Variants in DENND1A observed in about 807,000 individuals in gnomAD.
DENND1A encodes the protein DENN domain-containing protein 1A.
In DENND1A, 51 loss-of-function variants were observed where a neutral mutation model predicts 113.7. That is an observed-to-expected ratio of 0.45 (90% CI 0.36 to 0.57). The LOEUF (loss-of-function observed/expected upper bound fraction) is 0.57, where lower values mean the gene tolerates loss of function less well. Ranked by LOEUF, DENND1A falls within the 20% of genes least tolerant of loss-of-function variation. The pLI, the probability that DENND1A is intolerant of heterozygous loss-of-function variation, is 0.00. For missense variants in DENND1A, 1,258 were observed against 1,395.9 expected, an observed-to-expected ratio of 0.90 and a Z score of 1.57; for synonymous variants, 565 against 570.8, an observed-to-expected ratio of 0.99 and a Z score of 0.14.
intron 1 of DENND1A, among the ~76,000 whole-genome samples, chr9:123,916,993 G>A (rs1289283077): frequency 1.3e-5 from 2 of 151,886 alleles, no homozygotes; most frequent in African/African-American, 4.8e-5. Flanking sequence ...AGACCAGCCT[G>A]GCCAAAAAAG....
At chr9:123,738,004 C>T (rs1417787305) in intron 5 of DENND1A, among the ~76,000 whole-genome samples, 1 of 152,122 alleles carries the variant, frequency 6.6e-6, no homozygotes, top group Non-Finnish European at 1.5e-5. Flanking sequence ...ACAGTCTTAG[C>T]TGAGAAAACT....
At chr9:123,396,729 A>G (rs2043158354) in intron 21 of DENND1A, among the ~76,000 whole-genome samples, 1 of 152,214 alleles carries the variant, frequency 6.6e-6, no homozygotes. Context: ...CATTTGGGGT[A>G]GAGACTGTCT....
chr9:123,868,134 C>T (rs1356689104), intron 2 of DENND1A, among the ~76,000 whole-genome samples: 1 of 152,184 alleles, frequency 6.6e-6, no homozygotes, highest in Non-Finnish European at 1.5e-5. Flanking sequence ...TCTGTCACTT[C>T]CAGTGAAAAG....
intron 19 of DENND1A, among the ~76,000 whole-genome samples, chr9:123,418,597 C>T (rs557531747): frequency 1.3e-5 from 2 of 152,166 alleles, no homozygotes; most frequent in African/African-American, 4.8e-5. Context: ...GGGCAGAGAG[C>T]GCAGTGTGTA....
rs570796582 is a variant in DENND1A, at chr9:123,861,153, G to A, written c.88+17798C>T. Among the ~76,000 whole-genome samples, 28 of 152,240 alleles carry A rather than the reference G, an allele frequency of 1.8e-4. 1 individual carries two copies. The highest frequency in any genetic ancestry group is 1.7e-3 in the Admixed American group (26 of 15,288). The stretch of plus-strand genomic sequence containing the variant: ...CTATTCCTCCCCCAACCCCCTTCCA[G>A]GATAAAAATCCCATGTAAGACCCTG... On this transcript the variant is annotated intron_variant, in intron 2 of 23. Coordinates refer to ENST00000394215, the MANE Select transcript of DENND1A (RefSeq NM_001352964.2).
At chr9:123,742,672 A>G (rs930405065) in intron 5 of DENND1A, among the ~76,000 whole-genome samples, 2 of 152,174 alleles carry the variant, frequency 1.3e-5, no homozygotes, top group Non-Finnish European at 2.9e-5. Flanking sequence ...CCAGGGGCTC[A>G]GTTTGTGAAA....
chr9:123,400,997 T>C (rs977395289), intron 21 of DENND1A: 3 of 152,184 alleles, frequency 2.0e-5, no homozygotes, highest in Admixed American at 1.3e-4. Flanking sequence ...CCAGTGGAGA[T>C]GAAGATCTGT....
chr9:123,409,839 C>G (rs902561468), intron 20 of DENND1A, among the ~76,000 whole-genome samples: 4 of 152,140 alleles, frequency 2.6e-5, no homozygotes, highest in African/African-American at 9.7e-5. Context: ...CGTCTGTAAT[C>G]CCAGCACTTT....
intron 1 of DENND1A, among the ~76,000 whole-genome samples, chr9:123,899,945 T>C (rs1041299404): frequency 2.6e-5 from 4 of 152,202 alleles, no homozygotes; most frequent in Non-Finnish European, 4.4e-5. Flanking sequence ...CTTTCAATGA[T>C]CACTGTAAGA....
chr9:123,602,436 C>T (rs910257726), intron 11 of DENND1A, among the ~76,000 whole-genome samples: 8 of 152,050 alleles, frequency 5.3e-5, no homozygotes, highest in Non-Finnish European at 8.8e-5. Flanking sequence ...GGATGCAGAG[C>T]GCCAATTGTA....
chr9:123,711,513 G>GTATATATATATATATATATATATA (rs56814463), intron 5 of DENND1A, among the ~76,000 whole-genome samples: 14 of 120,980 alleles, frequency 1.2e-4, no homozygotes, highest in South Asian at 2.6e-4. Flanking sequence ...ATGTATATAT[G>GTATATATATATATATATATATATA]TATATATATA....
chr9:123,435,137 G>A (rs1318481704), intron 19 of DENND1A, among the ~76,000 whole-genome samples: 2 of 101,346 alleles, frequency 2.0e-5, no homozygotes, highest in South Asian at 3.1e-4. Flanking sequence ...GCAGTATCCT[G>A]AGAACATGGG....
chr9:123,616,450 A>T (rs1454777460), intron 10 of DENND1A, among the ~76,000 whole-genome samples: 3 of 152,222 alleles, frequency 2.0e-5, no homozygotes, highest in African/African-American at 7.2e-5. Context: ...GAATAAAACT[A>T]TATTTGCCTT....
intron 3 of DENND1A, among the ~76,000 whole-genome samples, chr9:123,772,742 A>G (rs574629778): frequency 1.3e-5 from 2 of 152,316 alleles, no homozygotes; most frequent in Non-Finnish European, 2.9e-5. Flanking sequence ...TATAGTAGCC[A>G]GTCACCACAG....
intron 19 of DENND1A, among the ~76,000 whole-genome samples, chr9:123,431,231 A>G (rs904110062): frequency 6.6e-6 from 1 of 152,164 alleles, no homozygotes; most frequent in Non-Finnish European, 1.5e-5. Flanking sequence ...TAGCTCCCAC[A>G]CATGCTCAGT....
At chr9:123,645,718 A>G (rs1360431120) in intron 9 of DENND1A, among the ~76,000 whole-genome samples, 3 of 152,254 alleles carry the variant, frequency 2.0e-5, no homozygotes, top group Admixed American at 2.0e-4. Flanking sequence ...AAGTCATAGT[A>G]ATACATATTC....
rs189378606 is a variant in DENND1A, at chr9:123,475,728, C to T, written c.994-17831G>A. Among the ~76,000 whole-genome samples, 76 of 152,352 alleles carry T rather than the reference C, an allele frequency of 5.0e-4. No individual in the cohort carries two copies. The East Asian group carries it at 0.013, about 26-fold the overall frequency. The stretch of plus-strand genomic sequence containing the variant: ...CTAAAAATATTGCTAACGTGGGCTT[C>T]GTGTCGCCCAACAGAGACTAATGAT... On this transcript the variant is annotated intron_variant, in intron 13 of 23. Transcript: ENST00000394215.
intron 18 of DENND1A, among the ~76,000 whole-genome samples, chr9:123,450,258 T>C (rs575289092): frequency 3.9e-5 from 6 of 152,258 alleles, no homozygotes; most frequent in African/African-American, 1.4e-4. Context: ...CTATGCTGTG[T>C]CTGGGCGGTG....
intron 1 of DENND1A, among the ~76,000 whole-genome samples, chr9:123,923,978 T>C (rs1316570480): frequency 6.6e-6 from 1 of 152,128 alleles, no homozygotes; most frequent in Admixed American, 6.5e-5. Flanking sequence ...AAAATGTTCA[T>C]AGCAACATCA....
Sources: gnomAD v4.1 joint callset for allele counts (sites outside exome capture counted in the v4.1 genomes callset) on GRCh38, gnomAD v4.1.1 for gene constraint, MANE v1.5 for transcripts, NCBI Gene and HGNC (gene_info 2026-07-23, HGNC 2026-07-21) for gene names.